UGT3A1: variants seen among roughly 807,000 people sequenced by gnomAD.
UGT3A1 encodes the protein UDP-glycosyltransferase 3A1.
Under a neutral mutation model 37.6 loss-of-function variants are expected in UGT3A1, and 40 were observed. The observed-to-expected ratio is 1.06, with a 90% CI of 0.83 to 1.38. The LOEUF is 1.38. Among genes scored for constraint, UGT3A1 ranks in the 40% most tolerant of loss-of-function variants. UGT3A1 has a pLI of 0.00. For synonymous variants in UGT3A1, 256 were observed against 232.3 expected, an observed-to-expected ratio of 1.10 and a Z score of -0.93; for missense variants, 642 against 634.2, an observed-to-expected ratio of 1.01 and a Z score of -0.13.
chr5:35,995,112 A>G (rs901319398), upstream of UGT3A1, among the ~76,000 whole-genome samples: 27 of 152,082 alleles, frequency 1.8e-4, no homozygotes, highest in African/African-American at 6.3e-4. Context: ...GCTCATCAAG[A>G]ACTCTGTAAT....
chr5:36,000,983 A>G (rs1741212234), exon 1 of UGT3A1: 1 of 152,314 alleles, frequency 6.6e-6, no homozygotes, highest in South Asian at 2.1e-4. Flanking sequence ...ATGTGGACTC[A>G]TGCCTCTTTC....
At chr5:35,990,016 C>G (rs554688061) in intron 1 of UGT3A1, among the ~76,000 whole-genome samples, 2 of 151,062 alleles carry the variant, frequency 1.3e-5, no homozygotes, top group Non-Finnish European at 2.9e-5. Flanking sequence ...GGCGTGAACC[C>G]GGGAGGCGGA....
chr5:35,965,350 T>C, intron 4 of UGT3A1, 36 bp downstream of exon 4: 1 of 1,599,210 alleles, frequency 6.3e-7, no homozygotes, highest in Non-Finnish European at 8.5e-7. Flanking sequence ...AAGGACTCTA[T>C]GTGAATCCCA....
At chr5:35,994,418 T>C (rs925429133), upstream of UGT3A1, among the ~76,000 whole-genome samples, 1 of 150,150 alleles carries the variant, frequency 6.7e-6, no homozygotes, top group East Asian at 2.0e-4. Flanking sequence ...CCAAACCCTC[T>C]AGCTCATGAG....
rs1227833086 is a variant in UGT3A1 at position 35,965,782 on chromosome 5, GAA to G, written c.445_446del (p.Phe149LeufsTer7). Reference protein sequence around the residue: ...YDLVFVEAFDFCSFLIAEKLV... With the variant: ...YDLVFVEAFDXCSFLIAEKLV... ...GCTTCTCAGCAATCAGGAAAGAACA[GAA>G]ATCAAATGCTTCAACAAATACCAGA... On this transcript the variant is annotated frameshift_variant, in exon 4 of 7. Coordinates refer to ENST00000274278, the MANE Select transcript of UGT3A1 (RefSeq NM_152404.4). LOFTEE classifies it high-confidence loss of function. 1.2e-6 allele frequency: 2 copies of G among 1,614,060 alleles called. No individual in the cohort carries two copies. The highest frequency in any genetic ancestry group is 1.7e-6 in the Non-Finnish European group (2 of 1,180,036).
chr5:35,971,380 A>G (rs1214015376), intron 2 of UGT3A1, among the ~76,000 whole-genome samples: 1 of 152,048 alleles, frequency 6.6e-6, no homozygotes, highest in African/African-American at 2.4e-5. Context: ...CTCCATCATT[A>G]CCAACATTCC....
chr5:35,991,035 C>A, intron 1 of UGT3A1, 112 bp downstream of exon 1: 1 of 1,607,062 alleles, frequency 6.2e-7, no homozygotes, highest in Non-Finnish European at 8.5e-7. Flanking sequence ...GGTCCGCAAG[C>A]CCAGCCTGGA....
At chr5:35,995,049 C>A (rs1284110788), upstream of UGT3A1, among the ~76,000 whole-genome samples, 1 of 152,198 alleles carries the variant, frequency 6.6e-6, no homozygotes, top group African/African-American at 2.4e-5. Flanking sequence ...TCAATGGTAT[C>A]TGGAGAGTAG....
In UGT3A1 at chr5:35,953,043, C is replaced by G. The variant is rs1243128544; in HGVS notation, c.*1159G>C. 2.0e-5 allele frequency: 3 copies of G among 152,320 alleles called. No individual in the cohort carries two copies. In the East Asian group the frequency reaches 5.6e-4, roughly 29 times the overall value. The allele number at this position is 152,320 out of a possible 1,614,324, so 9.4% of individuals were successfully genotyped here. A position where few individuals can be genotyped will look rare whatever the true frequency, so the allele number is the denominator to read the frequency against. On this transcript the variant is annotated 3_prime_UTR_variant, in exon 7 of 7. Coordinates refer to ENST00000274278, the MANE Select transcript of UGT3A1 (RefSeq NM_152404.4). ...AAACTATGGTTCATCCAGGGCCTCTCCATATGCCTGTTTTCTACTCTGTGT... is the reference window on the plus strand; with the variant it reads ...AAACTATGGTTCATCCAGGGCCTCTGCATATGCCTGTTTTCTACTCTGTGT...
At chr5:35,960,043 C>A in intron 4 of UGT3A1, among the ~76,000 whole-genome samples, 1 of 152,116 alleles carries the variant, frequency 6.6e-6, no homozygotes, top group South Asian at 2.1e-4. Flanking sequence ...AGTAGACACA[C>A]ACACAAAAAT....
chr5:35,957,115 T>C, intron 5 of UGT3A1, 73 bp downstream of exon 5: 6 of 1,308,270 alleles, frequency 4.6e-6, no homozygotes, highest in Non-Finnish European at 6.6e-6. Flanking sequence ...AATGCCCAGC[T>C]AGAGGTCAGA....
Position 35,951,768 on chromosome 5 carries a change from A to G in UGT3A1, c.*2434T>C, listed in dbSNP as rs938180859. On this transcript the variant is annotated 3_prime_UTR_variant, in exon 7 of 7. Coordinates refer to ENST00000274278, the MANE Select transcript of UGT3A1 (RefSeq NM_152404.4). ...TCCTATTTAGAAAGTCTCTCCCTAT[A>G]CACAGGCTATGGAAAAATTCACTTT... is the stretch of plus-strand genomic sequence containing the variant. 6.6e-6 allele frequency: 1 copy of G among 152,200 alleles called. No homozygotes were observed. Among genetic ancestry groups the G allele is most frequent in the African/African-American group, 2.4e-5 (1 of 41,454 alleles). 9.4% of individuals were successfully genotyped at this position (152,200 alleles called of 1,614,324 possible). A position where few individuals can be genotyped will look rare whatever the true frequency, so the allele number is the denominator to read the frequency against.
At chr5:35,965,002 G>C (rs999501244) in intron 4 of UGT3A1, among the ~76,000 whole-genome samples, 1 of 152,216 alleles carries the variant, frequency 6.6e-6, no homozygotes, top group Non-Finnish European at 1.5e-5. Flanking sequence ...AGTGTTGTCT[G>C]TTTCACTGTG....
rs1256064847 is a variant in UGT3A1, at chr5:35,953,656, A to C, written c.*546T>G. On this transcript the variant is annotated 3_prime_UTR_variant, in exon 7 of 7. Coordinates refer to ENST00000274278, the MANE Select transcript of UGT3A1 (RefSeq NM_152404.4). ...TGACCAACTGCAGGCTCCATGTCTG[A>C]CCAGCAAAGGAGGTGCTCTCTAAGG... 1 of 153,872 alleles carries C rather than the reference A, an allele frequency of 6.5e-6. No individual in the cohort carries two copies. The highest frequency in any genetic ancestry group is 1.4e-5 in the Non-Finnish European group (1 of 69,170). The allele number at this position is 153,872 out of a possible 1,614,324, so 9.5% of individuals were successfully genotyped here. A position where few individuals can be genotyped will look rare whatever the true frequency, so the allele number is the denominator to read the frequency against.
intron 1 of UGT3A1, among the ~76,000 whole-genome samples, chr5:36,000,436 G>A (rs968615082): frequency 6.6e-6 from 1 of 152,112 alleles, no homozygotes; most frequent in Non-Finnish European, 1.5e-5. Context: ...TCTAATAAAG[G>A]ATTCCCTTCA....
rs758004820 is a variant in UGT3A1 at position 35,965,798 on chromosome 5, A to T, written c.431T>A (p.Val144Asp). 2 of 1,614,088 alleles carry T rather than the reference A, an allele frequency of 1.2e-6. No individual in the cohort carries two copies. The highest frequency in any genetic ancestry group is 4.5e-5 in the East Asian group (2 of 44,894). ...LKNENYDLVF[V>D]EAFDFCSFLI... ...GAAAGAACAGAAATCAAATGCTTCA[A>T]CAAATACCAGATCATAGTTCTCATT... is the stretch of plus-strand genomic sequence containing the variant. Residue 144 changes from valine to aspartate, a missense_variant, in exon 4 of 7, where the codon GTT (valine) becomes GAT (aspartate). Physicochemically the swap from Val to Asp is radical, Grantham distance 152. Coordinates refer to ENST00000274278, the MANE Select transcript of UGT3A1 (RefSeq NM_152404.4).
At chr5:35,977,815 C>T (rs561422715) in intron 2 of UGT3A1, among the ~76,000 whole-genome samples, 1 of 152,272 alleles carries the variant, frequency 6.6e-6, no homozygotes, top group South Asian at 2.1e-4. Flanking sequence ...ACCTTATAAT[C>T]CCATTTACGT....
intron 2 of UGT3A1, among the ~76,000 whole-genome samples, chr5:35,980,794 A>G (rs1234488390): frequency 6.6e-6 from 1 of 152,226 alleles, no homozygotes; most frequent in African/African-American, 2.4e-5. Flanking sequence ...CATAAATCTT[A>G]ACAATATGAA....
At chr5:35,954,594 G>A in intron 6 of UGT3A1, 116 bp from the exon 7 acceptor site, 1 of 1,317,408 alleles carries the variant, frequency 7.6e-7, no homozygotes, top group Non-Finnish European at 1.0e-6. Context: ...CATGCACCAA[G>A]GCTGGGCTGC....
Sources: gnomAD v4.1 joint callset for allele counts (sites outside exome capture counted in the v4.1 genomes callset) on GRCh38, gnomAD v4.1.1 for gene constraint, MANE v1.5 for transcripts, NCBI Gene and HGNC (gene_info 2026-07-23, HGNC 2026-07-21) for gene names.